The following WWOX variants were observed in gnomAD, a reference collection of about 807,000 sequenced individuals.
WWOX encodes WW domain containing oxidoreductase.
In WWOX, 69 loss-of-function variants were observed where a neutral mutation model predicts 46.2. The observed-to-expected ratio is 1.49, with a 90% CI of 1.23 to 1.82. WWOX has a LOEUF of 1.82. WWOX is among the 40% of genes most tolerant of loss of function. The pLI is 0.00. For missense variants in WWOX, 919 were observed against 542.6 expected (o/e 1.69, Z -6.89); for synonymous variants, 359 against 202.6 (o/e 1.77, Z -6.56).
intron 8 of WWOX, among the ~76,000 whole-genome samples, chr16:78,968,123 AGCGCG>A (rs2046398696): frequency 8.9e-4 from 7 of 7,864 alleles, no homozygotes; most frequent in Admixed American, 2.3e-3. Context: ...CGCGTGGCAC[AGCGCG>A]TGGTCCGTGT....
intron 8 of WWOX, among the ~76,000 whole-genome samples, chr16:78,860,751 G>A (rs551700901): frequency 6.6e-6 from 1 of 152,328 alleles, no homozygotes; most frequent in East Asian, 1.9e-4. Flanking sequence ...GGATGTTCTT[G>A]AGTATGTCTG....
chr16:79,004,937 C>T (rs118014203), intron 8 of WWOX, among the ~76,000 whole-genome samples: 376 of 152,154 alleles, frequency 2.5e-3, no homozygotes, highest in Admixed American at 2.9e-3. Context: ...TTAGAGCTCC[C>T]CTCTTGTGTT....
intron 8 of WWOX, among the ~76,000 whole-genome samples, chr16:78,743,143 C>T (rs73571689): frequency 0.048 from 7,255 of 152,116 alleles, 423 homozygotes; most frequent in African/African-American, 0.14. Flanking sequence ...TCTCTGTGTG[C>T]TGCAGCCGTT....
intron 8 of WWOX, among the ~76,000 whole-genome samples, chr16:78,851,750 T>A (rs1335690331): frequency 6.6e-6 from 1 of 152,232 alleles, no homozygotes; most frequent in Non-Finnish European, 1.5e-5. Flanking sequence ...CTAAATTTTG[T>A]GCCCAGTTTA....
intron 8 of WWOX, among the ~76,000 whole-genome samples, chr16:78,974,797 G>A (rs1002691512): frequency 5.9e-5 from 9 of 152,276 alleles, no homozygotes; most frequent in African/African-American, 1.7e-4. Flanking sequence ...TGTTTAGGGC[G>A]TAATCTTCTG....
intron 8 of WWOX, among the ~76,000 whole-genome samples, chr16:78,662,261 A>G (rs1428872487): frequency 6.6e-6 from 1 of 152,316 alleles, no homozygotes; most frequent in East Asian, 1.9e-4. Flanking sequence ...TGTACATAGA[A>G]GAATGTTTTA....
At chr16:78,357,283 T>G (rs1009193351) in intron 5 of WWOX, among the ~76,000 whole-genome samples, 15 of 152,214 alleles carry the variant, frequency 9.9e-5, no homozygotes, top group African/African-American at 3.6e-4. Context: ...TGCTAGGTTC[T>G]GTTGAGACCT....
intron 8 of WWOX, among the ~76,000 whole-genome samples, chr16:78,577,511 G>A (rs1219025180): frequency 6.6e-6 from 1 of 152,160 alleles, no homozygotes; most frequent in African/African-American, 2.4e-5. Context: ...CCCTGGGTAT[G>A]ATGCCCTAAT....
chr16:78,807,066 C>T (rs375692888), intron 8 of WWOX, among the ~76,000 whole-genome samples: 44 of 152,312 alleles, frequency 2.9e-4, no homozygotes, highest in African/African-American at 1.0e-3. Flanking sequence ...GTAATTTGTG[C>T]AAGCATCCAC....
chr16:78,358,866 C>CTTTTTTTTT (rs57364873), intron 5 of WWOX, among the ~76,000 whole-genome samples: 6 of 120,938 alleles, frequency 5.0e-5, no homozygotes, highest in African/African-American at 1.2e-4. Context: ...ACACTGTGGT[C>CTTTTTTTTT]TTTTTTTTTT....
At chr16:78,472,387 C>G (rs897988650) in intron 8 of WWOX, among the ~76,000 whole-genome samples, 1 of 152,108 alleles carries the variant, frequency 6.6e-6, no homozygotes, top group Non-Finnish European at 1.5e-5. Flanking sequence ...GGGCCTTGTT[C>G]ATTGTTTCTA....
chr16:78,355,566 C>A (rs1348092310), intron 5 of WWOX: 9 of 465,678 alleles, frequency 1.9e-5, no homozygotes, highest in Non-Finnish European at 8.5e-6. Context: ...ACTACCAACA[C>A]TGTGGAGGAT....
intron 8 of WWOX, among the ~76,000 whole-genome samples, chr16:78,694,331 A>G (rs9940416): frequency 0.041 from 6,250 of 152,286 alleles, 194 homozygotes; most frequent in African/African-American, 0.091. Context: ...AGCTGCGACC[A>G]TGGTCTTTAC....
chr16:79,033,383 T>C (rs1018243320), intron 8 of WWOX, among the ~76,000 whole-genome samples: 7 of 150,244 alleles, frequency 4.7e-5, no homozygotes, highest in African/African-American at 1.7e-4. Flanking sequence ...CTCTATAATA[T>C]AGACTCTAAT....
chr16:78,249,520 G>A (rs566941542), intron 5 of WWOX, among the ~76,000 whole-genome samples: 1 of 152,290 alleles, frequency 6.6e-6, no homozygotes, highest in South Asian at 2.1e-4. Flanking sequence ...TGGCTCTGAG[G>A]GCAGAAACAT....
At chr16:78,372,905 G>A (rs993164313) in intron 5 of WWOX, among the ~76,000 whole-genome samples, 1 of 152,116 alleles carries the variant, frequency 6.6e-6, no homozygotes, top group Non-Finnish European at 1.5e-5. Context: ...GGAATAATGA[G>A]CTTGGTTTGA....
intron 8 of WWOX, among the ~76,000 whole-genome samples, chr16:78,557,521 C>T (rs893538072): frequency 1.3e-5 from 2 of 151,976 alleles, no homozygotes; most frequent in East Asian, 3.9e-4. Context: ...GCCCATGGAG[C>T]CCGTTTCACT....
chr16:78,152,187 C>T (rs1007838338), intron 4 of WWOX, among the ~76,000 whole-genome samples: 1 of 115,028 alleles, frequency 8.7e-6, no homozygotes, highest in African/African-American at 3.3e-5. Flanking sequence ...GAGACTCCGT[C>T]TCAAGAGAAA....
intron 5 of WWOX, among the ~76,000 whole-genome samples, chr16:78,217,362 G>T (rs972359106): frequency 6.6e-6 from 1 of 152,206 alleles, no homozygotes; most frequent in African/African-American, 2.4e-5. Flanking sequence ...ATGTATATAG[G>T]TACAACTCTG....
Sources: allele counts gnomAD v4.1 joint callset (sites outside exome capture counted in the v4.1 genomes callset), GRCh38; gene constraint gnomAD v4.1.1; transcripts MANE v1.5; gene names NCBI Gene and HGNC (gene_info 2026-07-23, HGNC 2026-07-21).